The following STXBP5L variants were observed in gnomAD, a reference collection of about 807,000 sequenced individuals.
STXBP5L encodes syntaxin-binding protein 5-like.
STXBP5L carries 65 observed loss-of-function variants against 144.5 expected under a neutral mutation model. The ratio of observed to expected loss-of-function variants is 0.45; its 90% CI spans 0.37 to 0.55. The LOEUF is 0.55. Ranked by LOEUF, STXBP5L falls within the 20% of genes least tolerant of loss-of-function variation. The pLI is 0.00. For missense variants in STXBP5L, 1,298 were observed against 1,405.5 expected (o/e 0.92, Z 1.22); for synonymous variants, 505 against 469.6 (o/e 1.08, Z -0.97).
Position 121,229,670 on chromosome 3 carries a change from C to T in STXBP5L, c.1112-3946C>T, listed in dbSNP as rs547396679. On this transcript the variant is annotated intron_variant, in intron 11 of 26. Coordinates refer to ENST00000471454, the MANE Select transcript of STXBP5L (RefSeq NM_001308330.2). ...TCCTGGGCTCAAGCAATCCTCTCAC[C>T]TCAGCCCCCCAAGTAGCTGAAACTC... is the stretch of plus-strand genomic sequence containing the variant. Among the ~76,000 whole-genome samples the T allele has an allele frequency of 5.9e-5, 9 of 152,278 alleles. No individual in the cohort carries two copies. In the South Asian group the frequency reaches 1.7e-3, roughly 28 times the overall value.
intron 9 of STXBP5L, among the ~76,000 whole-genome samples, chr3:121,186,068 G>A (rs139834085): frequency 6.6e-6 from 1 of 152,010 alleles, no homozygotes; most frequent in Non-Finnish European, 1.5e-5. Context: ...AATTGTGAAT[G>A]GGAGTTCACT....
chr3:121,334,829 T>G (rs1329378104), intron 20 of STXBP5L, among the ~76,000 whole-genome samples: 2 of 152,112 alleles, frequency 1.3e-5, no homozygotes, highest in Non-Finnish European at 2.9e-5. Context: ...ATAAAAGTCA[T>G]CTATGACAAA....
At chr3:121,352,343 G>T (rs1347011109) in intron 20 of STXBP5L, among the ~76,000 whole-genome samples, 1 of 151,974 alleles carries the variant, frequency 6.6e-6, no homozygotes, top group Non-Finnish European at 1.5e-5. Context: ...ATTTGATTGT[G>T]TCTTCTTTAT....
intron 5 of STXBP5L, among the ~76,000 whole-genome samples, chr3:121,046,263 G>T (rs940743382): frequency 1.3e-5 from 2 of 152,136 alleles, no homozygotes; most frequent in Non-Finnish European, 2.9e-5. Flanking sequence ...GATTCAGTTT[G>T]CTAGTATTTT....
intron 11 of STXBP5L, among the ~76,000 whole-genome samples, chr3:121,231,287 G>A (rs1362174307): frequency 6.6e-6 from 1 of 152,214 alleles, no homozygotes; most frequent in African/African-American, 2.4e-5. Context: ...ATAGCTTGTT[G>A]TCTCATGTCG....
intron 3 of STXBP5L, among the ~76,000 whole-genome samples, chr3:120,977,063 A>G (rs372672050): frequency 1.2e-4 from 19 of 152,082 alleles, no homozygotes; most frequent in African/African-American, 1.7e-4. Context: ...TATTAGGTCC[A>G]CTTGGTGCAG....
chr3:121,085,007 A>G (rs1317383371), intron 5 of STXBP5L, among the ~76,000 whole-genome samples: 1 of 148,846 alleles, frequency 6.7e-6, no homozygotes, highest in Non-Finnish European at 1.5e-5. Context: ...AACCGCATGT[A>G]TGTCTTTTTT....
intron 19 of STXBP5L, among the ~76,000 whole-genome samples, chr3:121,297,985 G>C (rs557426689): frequency 7.9e-5 from 12 of 152,218 alleles, no homozygotes; most frequent in Non-Finnish European, 1.5e-4. Context: ...AATTATTTTG[G>C]ATAAATACCC....
intron 3 of STXBP5L, among the ~76,000 whole-genome samples, chr3:121,002,505 G>A (rs892243268): frequency 2.0e-5 from 3 of 152,004 alleles, no homozygotes; most frequent in East Asian, 3.8e-4. Flanking sequence ...CTTTAATTTT[G>A]TTGATGATTT....
intron 20 of STXBP5L, chr3:121,356,870 T>C (rs897253843): frequency 6.5e-6 from 1 of 152,770 alleles, no homozygotes; most frequent in Non-Finnish European, 1.5e-5. Flanking sequence ...TAACCTACTA[T>C]AAAAAGTGGT....
At chr3:121,004,247 C>T (rs1051184004) in intron 3 of STXBP5L, among the ~76,000 whole-genome samples, 1 of 151,626 alleles carries the variant, frequency 6.6e-6, no homozygotes, top group Non-Finnish European at 1.5e-5. Flanking sequence ...TTGTAGCTCT[C>T]CTTGAAGAGG....
chr3:121,197,495 T>G (rs532069817), intron 9 of STXBP5L, among the ~76,000 whole-genome samples: 2 of 152,290 alleles, frequency 1.3e-5, no homozygotes, highest in South Asian at 4.1e-4. Flanking sequence ...TTCTATTTAT[T>G]TATTTATTTA....
At chr3:121,307,239 C>G (rs2043367875) in intron 19 of STXBP5L, among the ~76,000 whole-genome samples, 1 of 152,106 alleles carries the variant, frequency 6.6e-6, no homozygotes, top group South Asian at 2.1e-4. Context: ...CTAAAATATC[C>G]AGTTCTCAAC....
intron 2 of STXBP5L, among the ~76,000 whole-genome samples, chr3:120,934,276 T>C (rs1710136567): frequency 6.6e-6 from 1 of 152,020 alleles, no homozygotes. Flanking sequence ...AGAAGTGTGT[T>C]GTCTAATCTC....
At position 121,041,763 on chromosome 3, in the gene STXBP5L, C is replaced by A. The variant is rs780080921; in HGVS notation, c.351C>A (p.Leu117=). ...QHESGAAVLQ[L]QFLINEGALV... Reference sequence around the variant, plus strand: ...AAAGTGGTGCAGCTGTCCTACAGCTCCAATTTTTGATCAATGAGGTAAGGA... The same window carrying A: ...AAAGTGGTGCAGCTGTCCTACAGCTACAATTTTTGATCAATGAGGTAAGGA... Residue 117 remains leucine (L), a synonymous_variant, in exon 4 of 27, where the codon CTC becomes CTA. Transcript: ENST00000471454. The A allele has an allele frequency of 6.2e-7, 1 of 1,611,990 alleles. No individual in the cohort carries two copies. The highest frequency in any genetic ancestry group is 1.3e-5 in the African/African-American group (1 of 74,792).
chr3:121,050,500 G>A (rs1947884820), intron 5 of STXBP5L, among the ~76,000 whole-genome samples: 1 of 152,042 alleles, frequency 6.6e-6, no homozygotes, highest in South Asian at 2.1e-4. Flanking sequence ...CATAATTGAA[G>A]GAGAAATAAA....
intron 19 of STXBP5L, among the ~76,000 whole-genome samples, chr3:121,315,467 A>ACACTCTGGGG (rs2043749947): frequency 8.2e-6 from 1 of 122,382 alleles, no homozygotes; most frequent in South Asian, 3.1e-4. Context: ...GGGGAACATC[A>ACACTCTGGGG]CACTCTGGGG....
intron 7 of STXBP5L, among the ~76,000 whole-genome samples, chr3:121,137,854 T>C (rs1466603098): frequency 1.3e-5 from 2 of 152,112 alleles, no homozygotes; most frequent in Non-Finnish European, 2.9e-5. Context: ...AAAACTTTTT[T>C]TCTGACATCC....
At chr3:121,041,643 G>C (rs1352904868) in intron 3 of STXBP5L, 57 bp from the exon 4 acceptor site, 1 of 1,265,616 alleles carries the variant, frequency 7.9e-7, no homozygotes, top group South Asian at 1.2e-5. Flanking sequence ...TAGTTTCTTT[G>C]CTCATTAATA....
Sources: allele counts gnomAD v4.1 joint callset (sites outside exome capture counted in the v4.1 genomes callset), GRCh38; gene constraint gnomAD v4.1.1; transcripts MANE v1.5; gene names NCBI Gene and HGNC (gene_info 2026-07-23, HGNC 2026-07-21).